The following CSGALNACT1 variants were observed in gnomAD, a reference collection of about 807,000 sequenced individuals.
The protein encoded by CSGALNACT1 is chondroitin sulfate N-acetylgalactosaminyltransferase 1.
A neutral mutation model predicts 51.0 loss-of-function variants in CSGALNACT1; 52 were observed. The ratio of observed to expected loss-of-function variants is 1.02; its 90% CI spans 0.82 to 1.29. The LOEUF (loss-of-function observed/expected upper bound fraction) is 1.29. Ranked by LOEUF, CSGALNACT1 falls within the 50% of genes most tolerant of loss-of-function variation. The probability of loss-of-function intolerance (pLI) is 0.00; values close to 1 mark genes in which losing one functional copy is unlikely to be tolerated. For synonymous variants in CSGALNACT1, 341 were observed against 254.4 expected (o/e 1.34, Z -3.24); for missense variants, 935 against 679.2 (o/e 1.38, Z -4.19).
intron 5 of CSGALNACT1, among the ~76,000 whole-genome samples, chr8:19,455,481 T>C (rs182182921): frequency 3.9e-5 from 6 of 152,334 alleles, no homozygotes; most frequent in African/African-American, 1.4e-4. Flanking sequence ...TGCATTTAAT[T>C]ATTTAATTGG....
chr8:19,705,383 C>G (rs1016750139), intron 1 of CSGALNACT1, among the ~76,000 whole-genome samples: 1 of 152,150 alleles, frequency 6.6e-6, no homozygotes, highest in Non-Finnish European at 1.5e-5. Flanking sequence ...TGCATCCATT[C>G]AATGACATGT....
In CSGALNACT1 at chr8:19,497,617, G is replaced by A. The variant is rs543141100; in HGVS notation, c.634+7584C>T. On this transcript the variant is annotated intron_variant, in intron 4 of 9. Coordinates refer to ENST00000454498, the Ensembl canonical transcript of CSGALNACT1. ...ATTATATGGGTCACTTCTGCATAGA[G>A]ATGGAAGTAAGAATCACATGGAAAT... Among the ~76,000 whole-genome samples the A allele has an allele frequency of 1.0e-3, 157 of 152,328 alleles. No homozygotes were observed. In the South Asian group the frequency reaches 0.012, roughly 11 times the overall value.
chr8:19,704,267 C>A (rs2062036971), intron 1 of CSGALNACT1, among the ~76,000 whole-genome samples: 1 of 152,084 alleles, frequency 6.6e-6, no homozygotes, highest in African/African-American at 2.4e-5. Flanking sequence ...AATCACAGAC[C>A]CTTCCAGGCC....
intron 1 of CSGALNACT1, among the ~76,000 whole-genome samples, chr8:19,652,795 G>C (rs979817107): frequency 6.6e-6 from 1 of 152,074 alleles, no homozygotes; most frequent in Admixed American, 6.6e-5. Flanking sequence ...ATATTTCTCT[G>C]CTATTAACAT....
chr8:19,474,644 G>C (rs111844258), intron 4 of CSGALNACT1, among the ~76,000 whole-genome samples: 5 of 152,052 alleles, frequency 3.3e-5, no homozygotes, highest in African/African-American at 1.2e-4. Flanking sequence ...CGAGGTGGGT[G>C]GATCAATTGA....
chr8:19,604,582 G>C (rs2051084701), upstream of CSGALNACT1, among the ~76,000 whole-genome samples: 3 of 152,038 alleles, frequency 2.0e-5, no homozygotes. Context: ...TTCACCTACA[G>C]GACTTAGCCT....
At chr8:19,543,757 A>G (rs750681483) in intron 3 of CSGALNACT1, among the ~76,000 whole-genome samples, 2 of 152,194 alleles carry the variant, frequency 1.3e-5, no homozygotes, top group Non-Finnish European at 2.9e-5. Context: ...CACTGTATGC[A>G]TTCTTGCTAT....
intron 3 of CSGALNACT1, among the ~76,000 whole-genome samples, chr8:19,557,992 A>T (rs10503649): frequency 0.12 from 19,006 of 152,218 alleles, 1,481 homozygotes; most frequent in African/African-American, 0.22. Context: ...CAAGTAAACA[A>T]ATACAGTCCC....
chr8:19,538,230 C>A (rs928123353), intron 3 of CSGALNACT1, among the ~76,000 whole-genome samples: 2 of 152,118 alleles, frequency 1.3e-5, no homozygotes, highest in African/African-American at 2.4e-5. Flanking sequence ...ACTTGAAAGG[C>A]TGAGGCAGGA....
At chr8:19,643,070 A>C (rs2154178234) in intron 1 of CSGALNACT1, among the ~76,000 whole-genome samples, 1 of 151,670 alleles carries the variant, frequency 6.6e-6, no homozygotes, top group Admixed American at 6.6e-5. Flanking sequence ...AATATACACG[A>C]CTACTTAAAA....
At chr8:19,545,329 T>C (rs1023482894) in intron 3 of CSGALNACT1, among the ~76,000 whole-genome samples, 1 of 152,110 alleles carries the variant, frequency 6.6e-6, no homozygotes, top group African/African-American at 2.4e-5. Context: ...ATAAAACAAT[T>C]AACGTTTAAT....
At position 19,408,927 on chromosome 8, in the gene CSGALNACT1, G is replaced by A. The variant is rs4642666; in HGVS notation, c.1228-233C>T. Among the ~76,000 whole-genome samples the A allele has an allele frequency of 0.48, 60,818 of 125,794 alleles. 13,884 individuals are homozygous for A. Among genetic ancestry groups the A allele is most frequent in the East Asian group, 0.82 (4,124 of 5,002 alleles). 82.5% of individuals were successfully genotyped at this position (125,794 alleles called of 152,430 possible). A position where few individuals can be genotyped will look rare whatever the true frequency, so the allele number is the denominator to read the frequency against. On this transcript the variant is annotated intron_variant, in intron 8 of 9. Transcript: ENST00000454498. ...GATTTTTGGCACCTCTGGCTGGAAT[G>A]TTTCTAGGGCATAGATATGAAAACA... is the stretch of plus-strand genomic sequence containing the variant.
At chr8:19,590,553 A>G (rs1449555695) in intron 3 of CSGALNACT1, among the ~76,000 whole-genome samples, 1 of 149,706 alleles carries the variant, frequency 6.7e-6, no homozygotes, top group African/African-American at 2.5e-5. Context: ...AGATCAAACT[A>G]TTATTTTTTC....
chr8:19,572,511 G>A (rs1183974487), intron 3 of CSGALNACT1, among the ~76,000 whole-genome samples: 1 of 152,186 alleles, frequency 6.6e-6, no homozygotes, highest in Non-Finnish European at 1.5e-5. Flanking sequence ...ACGTACCAAT[G>A]AAGGGAAAGG....
intron 4 of CSGALNACT1, among the ~76,000 whole-genome samples, chr8:19,483,050 CTGATCAATTACCA>C (rs2071885262): frequency 6.6e-6 from 1 of 152,158 alleles, no homozygotes; most frequent in Non-Finnish European, 1.5e-5. Flanking sequence ...TATTTATTAT[CTGATCAATTACCA>C]AGCCCCATGG....
At chr8:19,738,305 G>A (rs2064110575) in intron 1 of CSGALNACT1, among the ~76,000 whole-genome samples, 1 of 152,156 alleles carries the variant, frequency 6.6e-6, no homozygotes, top group Non-Finnish European at 1.5e-5. Context: ...TAAAAAGAAA[G>A]AAAATTCTGA....
intron 4 of CSGALNACT1, among the ~76,000 whole-genome samples, chr8:19,465,397 A>G (rs2153833505): frequency 6.6e-6 from 1 of 152,302 alleles, no homozygotes; most frequent in African/African-American, 2.4e-5. Flanking sequence ...GTTTGAGAAG[A>G]TGAAAGTACT....
At chr8:19,569,327 G>A (rs2042522615) in intron 3 of CSGALNACT1, among the ~76,000 whole-genome samples, 2 of 152,120 alleles carry the variant, frequency 1.3e-5, no homozygotes, top group South Asian at 4.1e-4. Flanking sequence ...ATCATAACTT[G>A]ACTCACACTG....
intron 1 of CSGALNACT1, among the ~76,000 whole-genome samples, chr8:19,651,739 AT>A (rs2057821319): frequency 6.6e-6 from 1 of 152,170 alleles, no homozygotes; most frequent in African/African-American, 2.4e-5. Context: ...ATGCATGTGC[AT>A]TTATGGTAGA....
Sources: gnomAD v4.1 joint callset for allele counts (sites outside exome capture counted in the v4.1 genomes callset) on GRCh38, gnomAD v4.1.1 for gene constraint, MANE v1.5 for transcripts, NCBI Gene and HGNC (gene_info 2026-07-23, HGNC 2026-07-21) for gene names.